STK39: variants seen among roughly 807,000 people sequenced by gnomAD.
The protein encoded by STK39 is serine/threonine kinase 39.
A neutral mutation model predicts 77.8 loss-of-function variants in STK39; 20 were observed. That is an observed-to-expected ratio of 0.26 (90% confidence interval 0.18 to 0.37). The LOEUF is 0.37. Ranked by LOEUF, STK39 falls within the 10% of genes least tolerant of loss-of-function variation. The probability of loss-of-function intolerance (pLI) is 1.00; values close to 1 mark genes in which losing one functional copy is unlikely to be tolerated. For synonymous variants in STK39, 246 were observed against 234.1 expected (o/e 1.05, Z -0.47); for missense variants, 479 against 656.5 (o/e 0.73, Z 2.95).
intron 14 of STK39, among the ~76,000 whole-genome samples, chr2:168,048,049 T>C (rs865800142): frequency 6.6e-6 from 1 of 152,200 alleles, no homozygotes; most frequent in Non-Finnish European, 1.5e-5. Context: ...GTAGTTCTTA[T>C]ATTTGATAGT....
At chr2:167,965,663 A>G (rs1001818987) in intron 16 of STK39, among the ~76,000 whole-genome samples, 9 of 152,218 alleles carry the variant, frequency 5.9e-5, no homozygotes, top group African/African-American at 2.2e-4. Context: ...TGCTGAAGAA[A>G]TTATGGGAGA....
At chr2:168,115,967 A>G (rs369352720) in intron 10 of STK39, among the ~76,000 whole-genome samples, 2 of 152,222 alleles carry the variant, frequency 1.3e-5, no homozygotes, top group African/African-American at 2.4e-5. Flanking sequence ...GCCACTGAAC[A>G]GTCTCCATGT....
intron 14 of STK39, among the ~76,000 whole-genome samples, chr2:168,019,540 C>A (rs898826882): frequency 6.6e-6 from 1 of 152,142 alleles, no homozygotes; most frequent in Non-Finnish European, 1.5e-5. Flanking sequence ...AACTTATGCA[C>A]AAAATTGTAG....
intron 1 of STK39, among the ~76,000 whole-genome samples, chr2:168,201,830 C>T (rs1689619153): frequency 6.6e-6 from 1 of 152,140 alleles, no homozygotes; most frequent in Non-Finnish European, 1.5e-5. Context: ...ACCCTGAGTT[C>T]CTAAGCTGGT....
At chr2:167,984,348 T>C (rs889584050) in intron 16 of STK39, among the ~76,000 whole-genome samples, 15 of 152,044 alleles carry the variant, frequency 9.9e-5, no homozygotes, top group African/African-American at 3.6e-4. Flanking sequence ...CTGGGTAGGA[T>C]TCGAGAGGGA....
intron 12 of STK39, 59 bp downstream of exon 12, chr2:168,074,923 T>C (rs1686037913): frequency 6.3e-7 from 1 of 1,590,298 alleles, no homozygotes; most frequent in African/African-American, 1.4e-5. Context: ...TGGATCAGAC[T>C]CTGATACCAC....
intron 10 of STK39, among the ~76,000 whole-genome samples, chr2:168,089,324 T>G (rs918640580): frequency 3.9e-5 from 6 of 152,200 alleles, no homozygotes; most frequent in Non-Finnish European, 7.4e-5. Context: ...AGTTACACTG[T>G]CAGTCAAAAC....
chr2:168,220,726 G>A (rs899578788), intron 1 of STK39, among the ~76,000 whole-genome samples: 1 of 152,146 alleles, frequency 6.6e-6, no homozygotes, highest in African/African-American at 2.4e-5. Flanking sequence ...TCCATTAAAT[G>A]CTTGCTTAGT....
At chr2:168,196,199 A>G (rs1381942314) in intron 1 of STK39, among the ~76,000 whole-genome samples, 1 of 152,242 alleles carries the variant, frequency 6.6e-6, no homozygotes, top group Admixed American at 6.5e-5. Flanking sequence ...ACCTCAATTT[A>G]CATCTTATAC....
chr2:168,021,736 T>G (rs934054462), intron 14 of STK39, among the ~76,000 whole-genome samples: 1 of 151,968 alleles, frequency 6.6e-6, no homozygotes, highest in African/African-American at 2.4e-5. Context: ...CAGCCTCTTA[T>G]AGCTCATTGC....
At position 168,039,599 on chromosome 2, in the gene STK39, CAAAAAAAAAAAA is replaced by C. The variant is rs1173242043; in HGVS notation, c.1377-22516_1377-22505del. 2.5e-4 allele frequency among the ~76,000 whole-genome samples: 2 copies of C among 7,956 alleles called. 1 individual carries two copies. The highest frequency in any genetic ancestry group is 6.1e-4 in the Non-Finnish European group (2 of 3,258). The allele number at this position is 7,956 out of a possible 152,430, so 5.2% of individuals were successfully genotyped here. On this transcript the variant is annotated intron_variant, in intron 14 of 17. Transcript: ENST00000355999. ...GGGCGACAGAGCGAGACTCCGTCTC[CAAAAAAAAAAAA>C]AAAAAAAAAAAGCAGATCAGTGACT...
chr2:168,055,682 G>A (rs1181846333), intron 14 of STK39, among the ~76,000 whole-genome samples: 1 of 152,218 alleles, frequency 6.6e-6, no homozygotes, highest in Admixed American at 6.5e-5. Flanking sequence ...GTCAAAGTAT[G>A]AACAGCATCT....
intron 8 of STK39, among the ~76,000 whole-genome samples, chr2:168,131,633 A>C (rs962871915): frequency 6.6e-6 from 1 of 152,192 alleles, no homozygotes; most frequent in Non-Finnish European, 1.5e-5. Flanking sequence ...TTTCAAGTGG[A>C]ACACTGGTTA....
chr2:167,967,325 C>A (rs1370235111), intron 16 of STK39, among the ~76,000 whole-genome samples: 1 of 152,156 alleles, frequency 6.6e-6, no homozygotes, highest in African/African-American at 2.4e-5. Context: ...AACAGGGACA[C>A]CAATAATATG....
At chr2:168,109,657 G>A (rs965138866) in intron 10 of STK39, among the ~76,000 whole-genome samples, 1 of 152,196 alleles carries the variant, frequency 6.6e-6, no homozygotes, top group Non-Finnish European at 1.5e-5. Context: ...GGTTGTGCCA[G>A]TTTTGCCAGT....
chr2:168,127,323 G>A (rs188350107), intron 10 of STK39, among the ~76,000 whole-genome samples: 56 of 152,148 alleles, frequency 3.7e-4, no homozygotes, highest in Non-Finnish European at 1.6e-4. Context: ...GCTAATTTTT[G>A]TGTTTTTAGT....
intron 2 of STK39, among the ~76,000 whole-genome samples, chr2:168,171,488 A>G (rs1163077773): frequency 1.5e-5 from 2 of 129,264 alleles, no homozygotes; most frequent in Admixed American, 7.9e-5. Flanking sequence ...GGAAAAAAAA[A>G]CTTAATTTTT....
chr2:167,963,704 C>T lies in STK39; in HGVS notation c.1563+958G>A, dbSNP rs111510774. On this transcript the variant is annotated intron_variant, in intron 17 of 17. Coordinates refer to ENST00000355999, the MANE Select transcript of STK39 (RefSeq NM_013233.3). ...AAATCTTTGTGTTTTTCTTTTATCA[C>T]ACAGCCTAGCTATCTAAAATTAGAT... Among the ~76,000 whole-genome samples, 1,262 of 152,230 alleles carry T rather than the reference C, an allele frequency of 8.3e-3. 16 individuals carry two copies. Among genetic ancestry groups the T allele is most frequent in the African/African-American group, 0.028 (1,177 of 41,534 alleles).
chr2:168,150,072 G>A (rs1688239808), intron 5 of STK39, among the ~76,000 whole-genome samples: 1 of 152,160 alleles, frequency 6.6e-6, no homozygotes, highest in African/African-American at 2.4e-5. Context: ...AATCTGCATT[G>A]CAGCAAGATC....
Sources: gnomAD v4.1 joint callset for allele counts (sites outside exome capture counted in the v4.1 genomes callset) on GRCh38, gnomAD v4.1.1 for gene constraint, MANE v1.5 for transcripts, NCBI Gene and HGNC (gene_info 2026-07-23, HGNC 2026-07-21) for gene names.